The following COL24A1 variants were observed in gnomAD, a reference collection of about 807,000 sequenced individuals.
The protein encoded by COL24A1 is collagen type XXIV alpha 1 chain, also known as collagen alpha-1(XXIV) chain.
A neutral mutation model predicts 253.9 loss-of-function variants in COL24A1; 224 were observed. That is an observed-to-expected ratio of 0.88 (90% CI 0.79 to 0.99). The LOEUF (loss-of-function observed/expected upper bound fraction) is 0.99, where lower values mean the gene tolerates loss of function less well. Among genes scored for constraint, COL24A1 ranks in the 50% least tolerant of loss-of-function variants. The pLI is 0.00. For missense variants in COL24A1, 2,131 were observed against 2,068.5 expected (o/e 1.03, Z -0.59); for synonymous variants, 685 against 673.7 (o/e 1.02, Z -0.26).
chr1:86,114,730 T>C (rs1705958326), intron 4 of COL24A1, among the ~76,000 whole-genome samples: 1 of 152,226 alleles, frequency 6.6e-6, no homozygotes, highest in Non-Finnish European at 1.5e-5. Flanking sequence ...ATATAAAAGG[T>C]ATTTGCATTT....
At chr1:86,055,514 T>C (rs1020135281) in intron 10 of COL24A1, among the ~76,000 whole-genome samples, 1 of 152,148 alleles carries the variant, frequency 6.6e-6, no homozygotes, top group African/African-American at 2.4e-5. Flanking sequence ...AAGAACACAG[T>C]TATATGGATC....
intron 8 of COL24A1, among the ~76,000 whole-genome samples, chr1:86,061,740 A>G (rs1701108357): frequency 6.6e-6 from 1 of 152,102 alleles, no homozygotes; most frequent in African/African-American, 2.4e-5. Flanking sequence ...AAAGAAACTC[A>G]AAACAAATAT....
At chr1:85,784,532 C>A (rs1669476285) in intron 48 of COL24A1, among the ~76,000 whole-genome samples, 166 bp from the exon 49 acceptor site, 1 of 152,008 alleles carries the variant, frequency 6.6e-6, no homozygotes, top group African/African-American at 2.4e-5. Context: ...ATTTTCCACA[C>A]AAGTAGTATT....
At chr1:86,098,940 A>C (rs1704223113) in intron 5 of COL24A1, among the ~76,000 whole-genome samples, 1 of 152,200 alleles carries the variant, frequency 6.6e-6, no homozygotes, top group African/African-American at 2.4e-5. Context: ...TGAGGTTAAC[A>C]CTATCATTAA....
chr1:85,946,202 G>A (rs1217671089), intron 24 of COL24A1, among the ~76,000 whole-genome samples: 1 of 152,148 alleles, frequency 6.6e-6, no homozygotes, highest in East Asian at 1.9e-4. Flanking sequence ...AGCTTTCCTG[G>A]TAGATAATAT....
In COL24A1 at chr1:86,125,796, C is replaced by T. The variant is rs762536961; in HGVS notation, c.540G>A (p.Glu180=). 1.2e-6 allele frequency: 2 copies of T among 1,613,206 alleles called. No individual in the cohort carries two copies. The highest frequency in any genetic ancestry group is 1.3e-5 in the African/African-American group (1 of 75,002). ...IRNQSVSMFV[E]CGKKYFSTET... is the part of the protein sequence containing the mutation. ...CTGTGCTAAAATATTTCTTTCCACA[C>T]TCAACAAACATTGAGACACTTTGGT... Residue 180 remains glutamate, a synonymous_variant, in exon 3 of 60, where the codon GAG becomes GAA. Coordinates refer to ENST00000370571, the MANE Select transcript of COL24A1 (RefSeq NM_152890.7).
At chr1:85,923,537 C>A (rs771782302) in intron 24 of COL24A1, among the ~76,000 whole-genome samples, 12 of 152,196 alleles carry the variant, frequency 7.9e-5, no homozygotes, top group Non-Finnish European at 1.6e-4. Flanking sequence ...TGTACAACTA[C>A]ATGGAAACTG....
intron 37 of COL24A1, among the ~76,000 whole-genome samples, chr1:85,853,572 A>G (rs1279324663): frequency 6.6e-6 from 1 of 152,184 alleles, no homozygotes; most frequent in Non-Finnish European, 1.5e-5. Flanking sequence ...GGCTGAGCTA[A>G]TTTACATTCC....
intron 37 of COL24A1, among the ~76,000 whole-genome samples, chr1:85,867,430 G>C (rs1679913788): frequency 6.6e-6 from 1 of 152,148 alleles, no homozygotes; most frequent in Non-Finnish European, 1.5e-5. Context: ...TTTTCTCTTG[G>C]GGAAGAGACC....
chr1:86,125,903 GTAC>G lies in COL24A1; in HGVS notation c.430_432del (p.Val144del). The G allele has an allele frequency of 6.2e-7, 1 of 1,613,074 alleles. No individual in the cohort carries two copies. The highest frequency in any genetic ancestry group is 8.5e-7 in the Non-Finnish European group (1 of 1,179,586). On this transcript the variant is annotated inframe_deletion, in exon 3 of 60. Transcript: ENST00000370571. Reference sequence around the variant, plus strand: ...ACTGCAGGCTGCTTTCCTCTAATGTGTACTACTAATTTTTTAGGTAGTAATTGT... The same window carrying G: ...ACTGCAGGCTGCTTTCCTCTAATGTGTACTAATTTTTTAGGTAGTAATTGT...
chr1:85,831,908 T>G (rs1322449266), intron 43 of COL24A1, among the ~76,000 whole-genome samples: 5 of 152,090 alleles, frequency 3.3e-5, no homozygotes, highest in Non-Finnish European at 5.9e-5. Flanking sequence ...TTTCTTTTGC[T>G]GTGCAGAAGC....
chr1:85,791,863 T>C (rs1670313651), intron 47 of COL24A1, among the ~76,000 whole-genome samples: 1 of 152,074 alleles, frequency 6.6e-6, no homozygotes. Context: ...AAAGGCAAGC[T>C]TTAAAAACAA....
Position 85,998,283 on chromosome 1 carries a change from A to G in COL24A1, c.2311-10629T>C, listed in dbSNP as rs75257590. ...CTACTATTTCTTCAAGTCACTGCTC[A>G]AACACCCATGTACTCCATGCCCCTG... is the stretch of plus-strand genomic sequence containing the variant. On this transcript the variant is annotated intron_variant, in intron 19 of 59. Transcript: ENST00000370571. Among the ~76,000 whole-genome samples, 465 of 152,272 alleles carry G rather than the reference A, an allele frequency of 3.1e-3. 16 individuals are homozygous for G. In the East Asian group the frequency reaches 0.047, roughly 15 times the overall value.
chr1:85,872,215 A>G (rs563654206), intron 35 of COL24A1, among the ~76,000 whole-genome samples: 1 of 152,348 alleles, frequency 6.6e-6, no homozygotes, highest in East Asian at 1.9e-4. Flanking sequence ...AAATGGAAGA[A>G]CATTCCATGC....
intron 53 of COL24A1, 51 bp downstream of exon 53, chr1:85,775,623 C>T: frequency 6.9e-7 from 1 of 1,458,614 alleles, no homozygotes; most frequent in Middle Eastern, 1.8e-4. Flanking sequence ...TTTCATGGAG[C>T]TTATAGCCTA....
chr1:85,732,739 A>G (rs1304835415), intron 59 of COL24A1, among the ~76,000 whole-genome samples: 2 of 152,084 alleles, frequency 1.3e-5, no homozygotes, highest in Non-Finnish European at 2.9e-5. Flanking sequence ...CTGTGCCTTT[A>G]CTTTCATACC....
chr1:85,832,890 C>G (rs1164424357), intron 43 of COL24A1, among the ~76,000 whole-genome samples: 1 of 151,056 alleles, frequency 6.6e-6, no homozygotes, highest in Non-Finnish European at 1.5e-5. Context: ...AATTTGACTT[C>G]CTCTTTTCCT....
intron 52 of COL24A1, among the ~76,000 whole-genome samples, chr1:85,780,512 C>T (rs1669037391): frequency 6.6e-6 from 1 of 151,968 alleles, no homozygotes; most frequent in African/African-American, 2.4e-5. Context: ...CATATAATAC[C>T]TCAATTTCCT....
At chr1:85,980,090 T>G (rs373219138) in intron 20 of COL24A1, among the ~76,000 whole-genome samples, 1 of 152,166 alleles carries the variant, frequency 6.6e-6, no homozygotes. Flanking sequence ...AAAAATCATA[T>G]GATCATTTCA....
Sources: allele counts gnomAD v4.1 joint callset (sites outside exome capture counted in the v4.1 genomes callset), GRCh38; gene constraint gnomAD v4.1.1; transcripts MANE v1.5; gene names NCBI Gene and HGNC (gene_info 2026-07-23, HGNC 2026-07-21).